The following IMMP2L variants were observed in gnomAD, a reference collection of about 807,000 sequenced individuals.
IMMP2L encodes mitochondrial inner membrane protease subunit 2.
Under a neutral mutation model 19.3 loss-of-function variants are expected in IMMP2L, and 18 were observed. The observed-to-expected ratio is 0.93, with a 90% CI of 0.64 to 1.38. IMMP2L has a LOEUF of 1.38. Among genes scored for constraint, IMMP2L ranks in the 40% most tolerant of loss-of-function variants. The probability of loss-of-function intolerance (pLI) is 0.00; values close to 1 mark genes in which losing one functional copy is unlikely to be tolerated. For synonymous variants in IMMP2L, 76 were observed against 73.0 expected, an observed-to-expected ratio of 1.04 and a Z score of -0.21; for missense variants, 233 against 218.2, an observed-to-expected ratio of 1.07 and a Z score of -0.43.
Position 111,118,344 on chromosome 7 carries a change from T to A in IMMP2L, c.240-154779A>T, listed in dbSNP as rs184898851. On this transcript the variant is annotated intron_variant, in intron 3 of 5. Coordinates refer to ENST00000405709, the MANE Select transcript of IMMP2L (RefSeq NM_032549.4). ...GATCTCTTTACTAAGGAAAAGTAGCTTTATCCATAAAAGCTTCTACATATA... is the reference window on the plus strand; with the variant it reads ...GATCTCTTTACTAAGGAAAAGTAGCATTATCCATAAAAGCTTCTACATATA... Among the ~76,000 whole-genome samples, 21 of 152,258 alleles carry A rather than the reference T, an allele frequency of 1.4e-4. No homozygotes were observed. In the East Asian group the frequency reaches 3.1e-3, roughly 22 times the overall value.
chr7:111,123,954 G>A lies in IMMP2L; in HGVS notation c.240-160389C>T. The A allele has an allele frequency of 6.2e-7, 1 of 1,614,014 alleles. No homozygotes were observed. Among genetic ancestry groups the A allele is most frequent in the Non-Finnish European group, 8.5e-7 (1 of 1,179,992 alleles). On this transcript the variant is annotated intron_variant, in intron 3 of 5. Transcript: ENST00000405709. The surrounding 1 kb of genome is among the most constrained non-coding windows in gnomAD (Gnocchi z 6.4). ...TTCGATTCATGGAGCCAGATTCACT[G>A]TTTTGCGTGGACCCACCTGAATTCC...
chr7:110,793,192 G>A (rs1488717624), intron 5 of IMMP2L, among the ~76,000 whole-genome samples: 3 of 152,028 alleles, frequency 2.0e-5, no homozygotes, highest in Non-Finnish European at 4.4e-5. Context: ...GGCCGAAGTG[G>A]GTGGATCACT....
At chr7:111,301,502 T>G (rs1822235758) in intron 3 of IMMP2L, among the ~76,000 whole-genome samples, 1 of 152,116 alleles carries the variant, frequency 6.6e-6, no homozygotes, top group African/African-American at 2.4e-5. Context: ...GGATCATGCT[T>G]TCAGTGTCAA....
chr7:111,426,337 T>G (rs1836071309), intron 3 of IMMP2L, among the ~76,000 whole-genome samples: 1 of 150,478 alleles, frequency 6.6e-6, no homozygotes, highest in Non-Finnish European at 1.5e-5. Context: ...CACCACTAAA[T>G]CACAGCAACA....
chr7:110,697,956 A>T (rs1311084550), intron 5 of IMMP2L, among the ~76,000 whole-genome samples: 1 of 152,200 alleles, frequency 6.6e-6, no homozygotes, highest in Non-Finnish European at 1.5e-5. Context: ...AGAGACTTAA[A>T]TATTTTATTG....
intron 3 of IMMP2L, among the ~76,000 whole-genome samples, chr7:111,380,559 A>G (rs1002873190): frequency 1.3e-5 from 2 of 152,084 alleles, no homozygotes; most frequent in Non-Finnish European, 2.9e-5. Context: ...CAGATATGTA[A>G]CAATATTTTT....
intron 3 of IMMP2L, among the ~76,000 whole-genome samples, chr7:111,071,449 C>G (rs1335287610): frequency 1.3e-5 from 2 of 151,938 alleles, no homozygotes; most frequent in Non-Finnish European, 2.9e-5. Context: ...ATGTTCATAG[C>G]CGCACTATTT....
intron 3 of IMMP2L, among the ~76,000 whole-genome samples, chr7:111,422,347 T>C (rs1324104939): frequency 6.6e-6 from 1 of 151,870 alleles, no homozygotes; most frequent in Non-Finnish European, 1.5e-5. Context: ...ATTCTTCCTA[T>C]CCATGAGCAA....
chr7:111,392,081 G>A (rs1040554761), intron 3 of IMMP2L: 7 of 672,130 alleles, frequency 1.0e-5, no homozygotes, highest in Non-Finnish European at 1.9e-5. Context: ...ATACAGCAAT[G>A]TGCAAACTAT....
At chr7:110,844,693 T>TAGCGCA (rs1563019069) in intron 5 of IMMP2L, among the ~76,000 whole-genome samples, 1 of 116,744 alleles carries the variant, frequency 8.6e-6, no homozygotes, top group Non-Finnish European at 1.8e-5. Flanking sequence ...GGGAAGACAG[T>TAGCGCA]TAAGAAACTT....
At chr7:110,703,564 T>A (rs996125487) in intron 5 of IMMP2L, among the ~76,000 whole-genome samples, 3 of 152,172 alleles carry the variant, frequency 2.0e-5, no homozygotes, top group Non-Finnish European at 4.4e-5. Flanking sequence ...CATTTATATT[T>A]TAAAATAGAT....
intron 1 of IMMP2L, among the ~76,000 whole-genome samples, chr7:111,560,493 C>T (rs973258612): frequency 1.3e-5 from 2 of 152,164 alleles, no homozygotes; most frequent in Non-Finnish European, 2.9e-5. Context: ...TAACATTATT[C>T]ATTATAGGAA....
At chr7:111,528,034 C>T (rs1202029698) in intron 1 of IMMP2L, among the ~76,000 whole-genome samples, 1 of 152,118 alleles carries the variant, frequency 6.6e-6, no homozygotes, top group Non-Finnish European at 1.5e-5. Flanking sequence ...CTGTTAAAAG[C>T]TTCTATCATG....
chr7:111,414,296 ACAAAC>A (rs768951071), intron 3 of IMMP2L, among the ~76,000 whole-genome samples: 3 of 151,906 alleles, frequency 2.0e-5, no homozygotes, highest in Non-Finnish European at 4.4e-5. Context: ...TCCTGAATCA[ACAAAC>A]TAGGGTGCAT....
chr7:111,446,241 A>G (rs1289543292), intron 3 of IMMP2L, among the ~76,000 whole-genome samples: 1 of 151,926 alleles, frequency 6.6e-6, no homozygotes, highest in Non-Finnish European at 1.5e-5. Context: ...TGTAGGCTCC[A>G]CCTCTGGGGG....
chr7:111,397,197 T>C (rs535656968), intron 3 of IMMP2L, among the ~76,000 whole-genome samples: 3 of 152,312 alleles, frequency 2.0e-5, no homozygotes, highest in African/African-American at 4.8e-5. Context: ...TCTAGACATA[T>C]ATACTATATT....
chr7:110,685,412 A>T (rs1793044120), intron 5 of IMMP2L, among the ~76,000 whole-genome samples: 1 of 152,200 alleles, frequency 6.6e-6, no homozygotes. Context: ...TCTGCTACAT[A>T]CTAACTGCTA....
intron 5 of IMMP2L, among the ~76,000 whole-genome samples, chr7:110,786,931 T>C (rs1023741319): frequency 6.6e-6 from 1 of 152,016 alleles, no homozygotes; most frequent in African/African-American, 2.4e-5. Flanking sequence ...ATAGTTGAAT[T>C]TGGAGTGCTT....
At chr7:111,031,305 G>C (rs1182093071) in intron 3 of IMMP2L, among the ~76,000 whole-genome samples, 1 of 151,518 alleles carries the variant, frequency 6.6e-6, no homozygotes, top group Non-Finnish European at 1.5e-5. Context: ...GAAAAGGGAT[G>C]CTTCTAGGAC....
Sources: gnomAD v4.1 joint callset for allele counts (sites outside exome capture counted in the v4.1 genomes callset) on GRCh38, gnomAD v4.1.1 for gene constraint, Gnocchi (gnomAD v3.1) non-coding constraint, MANE v1.5 for transcripts, NCBI Gene and HGNC (gene_info 2026-07-23, HGNC 2026-07-21) for gene names.